ZNF835: variants seen among roughly 807,000 people sequenced by gnomAD.
ZNF835 encodes zinc finger protein 835.
For synonymous variants in ZNF835, 323 were observed against 324.7 expected, an observed-to-expected ratio of 0.99 and a Z score of 0.06; for missense variants, 783 against 758.4, an observed-to-expected ratio of 1.03 and a Z score of -0.38.
rs759508915 is a variant in ZNF835, at chr19:56,665,101, CT to C, written c.97del (p.Ser33AlafsTer121). On this transcript the variant is annotated frameshift_variant, in exon 2 of 2. Transcript: ENST00000537055. LOFTEE classifies it low-confidence loss of function (END_TRUNC). ...QVEDLQENQE[S>X]CPEPEAVACK... ...GGCCACGGCCTCTGGCTCTGGACAG[CT>C]TTCCTGGTTTTCCTGCAGGTCCTCA... The C allele has an allele frequency of 6.8e-6, 11 of 1,614,028 alleles. No individual in the cohort carries two copies. The highest frequency in any genetic ancestry group is 9.3e-6 in the Non-Finnish European group (11 of 1,179,886).
chr19:56,667,926 C>T (rs1267152569), intron 1 of ZNF835, among the ~76,000 whole-genome samples: 1 of 152,222 alleles, frequency 6.6e-6, no homozygotes, highest in East Asian at 1.9e-4. Flanking sequence ...CCTTGGACTT[C>T]CAGCCCCTAG....
At chr19:56,670,120 T>G (rs2045276304) in intron 1 of ZNF835, among the ~76,000 whole-genome samples, 1 of 147,758 alleles carries the variant, frequency 6.8e-6, no homozygotes, top group South Asian at 2.2e-4. Context: ...GAGTCCTCCA[T>G]TAGCATAAAT....
intron 1 of ZNF835, among the ~76,000 whole-genome samples, chr19:56,669,431 A>C (rs1183426410): frequency 6.6e-6 from 1 of 152,124 alleles, no homozygotes; most frequent in East Asian, 1.9e-4. Flanking sequence ...CCCTCCCAGG[A>C]GGTAGGGGCT....
At chr19:56,667,611 G>A (rs1280686206) in intron 1 of ZNF835, among the ~76,000 whole-genome samples, 1 of 152,226 alleles carries the variant, frequency 6.6e-6, no homozygotes, top group East Asian at 1.9e-4. Flanking sequence ...GCATACAGCA[G>A]AGAGTGCTCG....
chr19:56,668,212 G>T (rs1348200857), intron 1 of ZNF835, among the ~76,000 whole-genome samples: 1 of 152,018 alleles, frequency 6.6e-6, no homozygotes, highest in Non-Finnish European at 1.5e-5. Flanking sequence ...AGTCAGGCTG[G>T]TCTCAAACTC....
chr19:56,666,431 G>T (rs1456550923), intron 1 of ZNF835, among the ~76,000 whole-genome samples: 1 of 152,158 alleles, frequency 6.6e-6, no homozygotes, highest in Non-Finnish European at 1.5e-5. Context: ...GATAAGAAGA[G>T]GAAGCGACAC....
chr19:56,670,746 A>T (rs10420959), intron 1 of ZNF835, among the ~76,000 whole-genome samples: 389 of 152,310 alleles, frequency 2.6e-3, no homozygotes, highest in African/African-American at 9.0e-3. Flanking sequence ...AGATGCACAC[A>T]CTTCAGACAG....
Position 56,663,974 on chromosome 19 carries a change from G to T in ZNF835, c.1225C>A (p.Gln409Lys). ...GGCCGCTCTCCGGTGTGGATCTTCT[G>T]GTGCTCTATAAGCGAGGACACGTGG... ...FSHVSSLIEH[Q>K]KIHTGERPYK... The change falls in exon 2 of 2, where the codon CAG becomes AAG. Residue 409 changes from glutamine to lysine, a missense_variant. Gln to Lys is a moderately conservative substitution (Grantham distance 53). Transcript: ENST00000537055. 2 of 1,613,020 alleles carry T rather than the reference G, an allele frequency of 1.2e-6. No individual in the cohort carries two copies. Among genetic ancestry groups the T allele is most frequent in the Non-Finnish European group, 1.7e-6 (2 of 1,179,654 alleles).
In ZNF835 at chr19:56,663,953, G is replaced by A. The variant is rs1473583609; in HGVS notation, c.1246C>T (p.Arg416Trp). The change falls in exon 2 of 2, where the codon CGG (arginine) becomes TGG (tryptophan). Residue 416 changes from arginine to tryptophan, a missense_variant. Coordinates refer to ENST00000537055, the MANE Select transcript of ZNF835 (RefSeq NM_001005850.3). ...CCGCACTCGCCGCACTTGTAGGGCCGCTCTCCGGTGTGGATCTTCTGGTGC... is the reference window on the plus strand; with the variant it reads ...CCGCACTCGCCGCACTTGTAGGGCCACTCTCCGGTGTGGATCTTCTGGTGC... ...IEHQKIHTGERPYKCGECGKA... is the reference protein window; with the variant it reads ...IEHQKIHTGEWPYKCGECGKA... 5 of 1,609,932 alleles carry A rather than the reference G, an allele frequency of 3.1e-6. No homozygotes were observed. Among genetic ancestry groups the A allele is most frequent in the Non-Finnish European group, 4.2e-6 (5 of 1,177,934 alleles).
chr19:56,668,757 G>T (rs888168823), intron 1 of ZNF835, among the ~76,000 whole-genome samples: 1 of 152,028 alleles, frequency 6.6e-6, no homozygotes, highest in Non-Finnish European at 1.5e-5. Context: ...GCAAGGCAGG[G>T]GAGATGCGGT....
At chr19:56,667,133 C>T (rs904239243) in intron 1 of ZNF835, among the ~76,000 whole-genome samples, 1 of 152,196 alleles carries the variant, frequency 6.6e-6, no homozygotes, top group Non-Finnish European at 1.5e-5. Context: ...CAGGAAGTCA[C>T]TGTTTTTTAG....
At chr19:56,666,397 G>T (rs926591825) in intron 1 of ZNF835, among the ~76,000 whole-genome samples, 1 of 152,148 alleles carries the variant, frequency 6.6e-6, no homozygotes, top group African/African-American at 2.4e-5. Context: ...GTGAGCCACC[G>T]CGCTTGGCTG....
Position 56,664,645 on chromosome 19 carries a change from C to T in ZNF835, c.554G>A (p.Trp185Ter), listed in dbSNP as rs1204668742. The T allele has an allele frequency of 6.2e-7, 1 of 1,608,258 alleles. No individual in the cohort carries two copies. Among genetic ancestry groups the T allele is most frequent in the Admixed American group, 1.7e-5 (1 of 58,952 alleles). ...CGGCTTCTCGCCCGTGTGCGTGCGCCAGTGGGACGCCAGGTACGAGCCCTG... is the reference window on the plus strand; with the variant it reads ...CGGCTTCTCGCCCGTGTGCGTGCGCTAGTGGGACGCCAGGTACGAGCCCTG... The part of the protein sequence containing the change: ...FSQGSYLASH[W>*]RTHTGEKPHR... The change falls in exon 2 of 2, where the codon TGG becomes TAG. Residue 185 changes from tryptophan to a stop codon, truncating the protein, a stop_gained. Coordinates refer to ENST00000537055, the MANE Select transcript of ZNF835 (RefSeq NM_001005850.3). LOFTEE classifies it low-confidence loss of function (END_TRUNC).
At position 56,664,531 on chromosome 19, in the gene ZNF835, G is replaced by T. The variant is rs559330804; in HGVS notation, c.668C>A (p.Ala223Glu). The T allele has an allele frequency of 5.0e-6, 8 of 1,609,688 alleles. No individual in the cohort carries two copies. The South Asian group carries it at 5.5e-5, about 11-fold the overall frequency. ...RRVHTGERPY[A>E]CAQCAKAFRN... ...GAACGCCTTGGCGCACTGGGCGCAC[G>T]CGTAGGGCCGCTCGCCCGTGTGCAC... Residue 223 changes from alanine (A) to glutamate (E), a missense_variant, in exon 2 of 2, where the codon GCG (alanine) becomes GAG (glutamate). Physicochemically the swap from Ala to Glu is moderately radical, Grantham distance 107. Coordinates refer to ENST00000537055, the MANE Select transcript of ZNF835 (RefSeq NM_001005850.3).
At chr19:56,668,726 G>T (rs2045265828) in intron 1 of ZNF835, among the ~76,000 whole-genome samples, 2 of 115,410 alleles carry the variant, frequency 1.7e-5, no homozygotes, top group African/African-American at 3.1e-5. Flanking sequence ...AGGGGGTGGG[G>T]CTGGACAGAG....
intron 1 of ZNF835, among the ~76,000 whole-genome samples, chr19:56,668,364 C>CTT (rs10604506): frequency 2.2e-4 from 26 of 117,028 alleles, no homozygotes; most frequent in South Asian, 2.9e-4. Flanking sequence ...TAAAATAGGG[C>CTT]TTTTTTTTTT....
chr19:56,664,920 C>T lies in ZNF835; in HGVS notation c.279G>A (p.Arg93=). Residue 93 remains arginine (R), a synonymous_variant, in exon 2 of 2, where the codon AGG becomes AGA. Transcript: ENST00000537055. The part of the protein sequence containing the change: ...CSAPGESPKE[R]HPDSRQRERG... The stretch of plus-strand genomic sequence containing the variant: ...TCTCCCGCTGGCGGCTGTCAGGATG[C>T]CTCTCCTTCGGGCTCTCCCCAGGCG... The T allele has an allele frequency of 1.2e-6, 2 of 1,613,962 alleles. No individual in the cohort carries two copies. The highest frequency in any genetic ancestry group is 1.7e-6 in the Non-Finnish European group (2 of 1,179,904).
In ZNF835 at chr19:56,664,187, G is replaced by A. The variant is rs200104259; in HGVS notation, c.1012C>T (p.Gln338Ter). ...HTGEKPYACG[Q>*]CAKAFTQVSH... Reference sequence around the variant, plus strand: ...ACCTGGGTGAAGGCCTTGGCGCACTGGCCGCACGCGTAGGGCTTCTCGCCT... The same window carrying A: ...ACCTGGGTGAAGGCCTTGGCGCACTAGCCGCACGCGTAGGGCTTCTCGCCT... Residue 338 changes from glutamine to a stop codon, truncating the protein, a stop_gained, in exon 2 of 2, where the codon CAG (glutamine) becomes TAG (stop). Coordinates refer to ENST00000537055, the MANE Select transcript of ZNF835 (RefSeq NM_001005850.3). LOFTEE classifies it low-confidence loss of function (END_TRUNC). 1.3e-5 allele frequency: 21 copies of A among 1,601,958 alleles called. No homozygotes were observed. Among genetic ancestry groups the A allele is most frequent in the African/African-American group, 2.7e-5 (2 of 74,524 alleles).
rs769227151 is a variant in ZNF835, at chr19:56,665,206, CCCTGGGCTG to C, written c.-17_-9del. The C allele has an allele frequency of 5.0e-6, 8 of 1,613,810 alleles. No homozygotes were observed. In the East Asian group the frequency reaches 1.8e-4, roughly 36 times the overall value. ...GCTCAAGAGTCCCTCCATCCTCGAT[CCCTGGGCTG>C]CTGTCTTGATCTCACATCTTTTCTC... On this transcript the variant is annotated 5_prime_UTR_variant, in exon 2 of 2. Transcript: ENST00000537055.
Sources: allele counts gnomAD v4.1 joint callset (sites outside exome capture counted in the v4.1 genomes callset), GRCh38; gene constraint gnomAD v4.1.1; transcripts MANE v1.5; gene names NCBI Gene and HGNC (gene_info 2026-07-23, HGNC 2026-07-21).